Variants in NXPE2 observed in about 807,000 individuals in gnomAD.
NXPE2 encodes neurexophilin and PC-esterase domain family member 2, also known as NXPE family member 2.
A neutral mutation model predicts 34.4 loss-of-function variants in NXPE2; 34 were observed. The ratio of observed to expected loss-of-function variants is 0.99; its 90% confidence interval spans 0.75 to 1.31. NXPE2 has a LOEUF of 1.31. Ranked by LOEUF, NXPE2 falls within the 40% of genes most tolerant of loss-of-function variation. The pLI, the probability that NXPE2 is intolerant of heterozygous loss-of-function variation, is 0.00. For missense variants in NXPE2, 649 were observed against 672.5 expected (o/e 0.97, Z 0.39); for synonymous variants, 235 against 231.3 (o/e 1.02, Z -0.15).
At chr11:114,580,873 A>G in the NXPE2 span, among the ~76,000 whole-genome samples, 2 of 152,220 alleles carry the variant, frequency 1.3e-5, no homozygotes, top group African/African-American at 2.4e-5. Context: ...TGGGCCAAAG[A>G]TGAACCCCTC....
At chr11:114,564,097 T>C in the NXPE2 span, among the ~76,000 whole-genome samples, 3 of 152,134 alleles carry the variant, frequency 2.0e-5, no homozygotes, top group South Asian at 4.1e-4. Flanking sequence ...ATGTGGTATA[T>C]ATATATCATG....
At chr11:114,705,143 A>G (rs1291915551) in intron 4 of NXPE2, among the ~76,000 whole-genome samples, 3 of 152,214 alleles carry the variant, frequency 2.0e-5, no homozygotes, top group Non-Finnish European at 4.4e-5. Flanking sequence ...GTCAGTAAAT[A>G]CAGTTTAGGC....
chr11:114,618,850 C>T, the NXPE2 span, among the ~76,000 whole-genome samples: 1 of 151,812 alleles, frequency 6.6e-6, no homozygotes, highest in African/African-American at 2.4e-5. Context: ...CCATTGGTAC[C>T]CAGTGGATCC....
chr11:114,626,311 G>A, the NXPE2 span, among the ~76,000 whole-genome samples: 1 of 152,208 alleles, frequency 6.6e-6, no homozygotes, highest in Non-Finnish European at 1.5e-5. Context: ...GGTTCTCCTA[G>A]CACACAGCTG....
the NXPE2 span, among the ~76,000 whole-genome samples, chr11:114,577,583 A>G: frequency 6.6e-6 from 1 of 152,174 alleles, no homozygotes; most frequent in Non-Finnish European, 1.5e-5. Flanking sequence ...GTGTTATGTA[A>G]ATGTGAAAGA....
At chr11:114,522,639 TACCCCCA>T in the NXPE2 span, 2 of 767,338 alleles carry the variant, frequency 2.6e-6, no homozygotes, top group Non-Finnish European at 2.0e-6. Flanking sequence ...TAGGGTACAG[TACCCCCA>T]GTTCATACAT....
chr11:114,623,261 A>T, the NXPE2 span, among the ~76,000 whole-genome samples: 2 of 149,508 alleles, frequency 1.3e-5, no homozygotes, highest in African/African-American at 4.9e-5. Context: ...TGGGTAATAC[A>T]TATTGCCTCG....
the NXPE2 span, among the ~76,000 whole-genome samples, chr11:114,794,265 A>G: frequency 1.3e-5 from 2 of 152,060 alleles, no homozygotes; most frequent in Admixed American, 1.3e-4. Context: ...TCATCAGACC[A>G]TATTCTCTTT....
At chr11:114,658,313 A>T in the NXPE2 span, among the ~76,000 whole-genome samples, 15 of 152,212 alleles carry the variant, frequency 9.9e-5, no homozygotes, top group Admixed American at 9.8e-4. Context: ...AATTTTAAAA[A>T]TGAATTTCTA....
chr11:114,469,512 C>G, the NXPE2 span, among the ~76,000 whole-genome samples: 1,038 of 151,414 alleles, frequency 6.9e-3, 14 homozygotes, highest in African/African-American at 0.022. Flanking sequence ...TTTTTTGAGA[C>G]GGAGTCTCGC....
the NXPE2 span, among the ~76,000 whole-genome samples, chr11:114,724,844 C>CTTT: frequency 5.4e-3 from 658 of 121,558 alleles, 8 homozygotes; most frequent in African/African-American, 0.019. Context: ...GCTTCCATGG[C>CTTT]TTTTTTTTTT....
chr11:114,613,210 T>C, the NXPE2 span, among the ~76,000 whole-genome samples: 1 of 151,922 alleles, frequency 6.6e-6, no homozygotes, highest in African/African-American at 2.4e-5. Flanking sequence ...ACCTGGTGGA[T>C]AATACTTGTT....
chr11:114,533,785 G>A, the NXPE2 span, among the ~76,000 whole-genome samples: 158 of 152,330 alleles, frequency 1.0e-3, 1 homozygote, highest in Middle Eastern at 6.8e-3. Context: ...CAAAGCGGCC[G>A]GGAAGCTCAA....
At chr11:114,718,899 A>G in the NXPE2 span, among the ~76,000 whole-genome samples, 2 of 152,176 alleles carry the variant, frequency 1.3e-5, no homozygotes. Flanking sequence ...AATGGTATTA[A>G]GAAATGGGGC....
the NXPE2 span, among the ~76,000 whole-genome samples, chr11:114,652,174 G>C: frequency 6.6e-6 from 1 of 152,218 alleles, no homozygotes; most frequent in Non-Finnish European, 1.5e-5. Context: ...GAGATAAGCA[G>C]GGAGAGAAGG....
the NXPE2 span, among the ~76,000 whole-genome samples, chr11:114,587,292 T>C: frequency 6.6e-6 from 1 of 152,194 alleles, no homozygotes; most frequent in Non-Finnish European, 1.5e-5. Context: ...CTATTCTGCC[T>C]CCAATTAAAA....
chr11:114,561,150 G>A, the NXPE2 span, among the ~76,000 whole-genome samples: 1 of 152,146 alleles, frequency 6.6e-6, no homozygotes, highest in Non-Finnish European at 1.5e-5. Flanking sequence ...TAGTTTTGAA[G>A]ATCACAAGTA....
chr11:114,607,768 G>A, the NXPE2 span, among the ~76,000 whole-genome samples: 9 of 151,912 alleles, frequency 5.9e-5, no homozygotes, highest in South Asian at 8.3e-4. Context: ...GTTGCCTCTA[G>A]GGTAACCACT....
At chr11:114,542,440 G>T in the NXPE2 span, among the ~76,000 whole-genome samples, 1 of 152,106 alleles carries the variant, frequency 6.6e-6, no homozygotes, top group African/African-American at 2.4e-5. Flanking sequence ...AGGATTTATG[G>T]TAAGGATGAA....
Sources: gnomAD v4.1 joint callset for allele counts (sites outside exome capture counted in the v4.1 genomes callset) on GRCh38, gnomAD v4.1.1 for gene constraint, MANE v1.5 for transcripts, NCBI Gene and HGNC (gene_info 2026-07-23, HGNC 2026-07-21) for gene names.